FSTL5: variants seen among roughly 807,000 people sequenced by gnomAD.
FSTL5 encodes the protein follistatin like 5, also known as follistatin-related protein 5.
Under a neutral mutation model 89.1 loss-of-function variants are expected in FSTL5, and 62 were observed. That is an observed-to-expected ratio of 0.70 (90% CI 0.57 to 0.86). FSTL5 has a LOEUF of 0.86. Among genes scored for constraint, FSTL5 ranks in the 40% least tolerant of loss-of-function variants. FSTL5 has a pLI of 0.00. For synonymous variants in FSTL5, 383 were observed against 346.2 expected, an observed-to-expected ratio of 1.11 and a Z score of -1.18; for missense variants, 1,057 against 1,001.6, an observed-to-expected ratio of 1.06 and a Z score of -0.75.
chr4:161,980,875 CA>C (rs532733990), intron 3 of FSTL5, among the ~76,000 whole-genome samples: 347 of 142,554 alleles, frequency 2.4e-3, no homozygotes, highest in Admixed American at 6.4e-3. Flanking sequence ...CTTCCGGGTT[CA>C]AGCAATTTTC....
At chr4:161,493,967 G>A (rs1199695005) in intron 12 of FSTL5, among the ~76,000 whole-genome samples, 1 of 152,044 alleles carries the variant, frequency 6.6e-6, no homozygotes, top group East Asian at 1.9e-4. Context: ...ACATATTAAA[G>A]CTTAAGAGAA....
chr4:161,936,335 C>T lies in FSTL5; in HGVS notation c.161-15683G>A, dbSNP rs1409685285. On this transcript the variant is annotated intron_variant, in intron 3 of 15. Transcript: ENST00000306100. ...TACATATGTTTTCCTCTTAAGTGAA[C>T]TGCTAATTTACTATGGTATATTGAA... Among the ~76,000 whole-genome samples the T allele has an allele frequency of 2.0e-5, 3 of 152,250 alleles. No homozygotes were observed. In the East Asian group the frequency reaches 5.8e-4, roughly 29 times the overall value.
intron 2 of FSTL5, among the ~76,000 whole-genome samples, chr4:162,082,038 T>C (rs979162041): frequency 2.0e-5 from 3 of 151,692 alleles, no homozygotes; most frequent in Non-Finnish European, 3.0e-5. Flanking sequence ...AATATGAAAA[T>C]GTTGGCTTCT....
At chr4:162,015,757 T>C (rs1736899266) in intron 3 of FSTL5, among the ~76,000 whole-genome samples, 5 of 152,192 alleles carry the variant, frequency 3.3e-5, no homozygotes, top group Non-Finnish European at 7.3e-5. Flanking sequence ...TCTCCTCCTT[T>C]CTACTTTTTT....
At chr4:161,821,097 G>T (rs1184048033) in intron 4 of FSTL5, among the ~76,000 whole-genome samples, 1 of 152,242 alleles carries the variant, frequency 6.6e-6, no homozygotes, top group South Asian at 2.1e-4. Context: ...GAGTGCAGTG[G>T]TGCAATCATG....
chr4:161,416,370 C>T (rs1459319581), intron 15 of FSTL5, among the ~76,000 whole-genome samples: 1 of 152,006 alleles, frequency 6.6e-6, no homozygotes. Context: ...ATATCTTTCA[C>T]AAGCTTTTTC....
intron 10 of FSTL5, among the ~76,000 whole-genome samples, chr4:161,533,707 C>T (rs1057234985): frequency 2.0e-5 from 3 of 152,064 alleles, no homozygotes; most frequent in Admixed American, 6.6e-5. Flanking sequence ...GGAGGGCCTT[C>T]TCTCTAACTT....
chr4:161,420,635 A>C (rs1044003075), intron 15 of FSTL5, among the ~76,000 whole-genome samples: 1 of 151,822 alleles, frequency 6.6e-6, no homozygotes, highest in African/African-American at 2.4e-5. Flanking sequence ...TCATATATTC[A>C]ATACCATATA....
intron 7 of FSTL5, among the ~76,000 whole-genome samples, chr4:161,596,453 C>G (rs1578954200): frequency 6.6e-6 from 1 of 151,826 alleles, no homozygotes; most frequent in East Asian, 1.9e-4. Context: ...ACTTTGTGAA[C>G]AAATATTATT....
intron 13 of FSTL5, among the ~76,000 whole-genome samples, chr4:161,478,207 A>T (rs1729362244): frequency 6.6e-6 from 1 of 152,152 alleles, no homozygotes; most frequent in South Asian, 2.1e-4. Flanking sequence ...TGTTAGCAGT[A>T]GAATGTATAA....
At chr4:162,035,233 A>G (rs1193022732) in intron 2 of FSTL5, 1 of 152,092 alleles carries the variant, frequency 6.6e-6, no homozygotes, top group Non-Finnish European at 1.5e-5. Flanking sequence ...TGATGAGACT[A>G]TACAGGATGA....
At chr4:161,750,849 C>A (rs935486561) in intron 6 of FSTL5, among the ~76,000 whole-genome samples, 1 of 152,134 alleles carries the variant, frequency 6.6e-6, no homozygotes, top group South Asian at 2.1e-4. Context: ...CTATGACTGA[C>A]AATATATGGT....
intron 6 of FSTL5, among the ~76,000 whole-genome samples, chr4:161,657,474 T>G (rs1202722832): frequency 6.6e-6 from 1 of 152,230 alleles, no homozygotes; most frequent in African/African-American, 2.4e-5. Flanking sequence ...ATAATTGTCC[T>G]CTGTCCCCTT....
chr4:162,143,166 A>T (rs1160591800), intron 1 of FSTL5, among the ~76,000 whole-genome samples: 7 of 141,088 alleles, frequency 5.0e-5, no homozygotes, highest in African/African-American at 1.8e-4. Flanking sequence ...CAATACCTCT[A>T]TTTTTTTTCC....
chr4:161,959,955 T>G (rs1172547222), intron 3 of FSTL5, among the ~76,000 whole-genome samples: 1 of 152,080 alleles, frequency 6.6e-6, no homozygotes, highest in East Asian at 1.9e-4. Flanking sequence ...AGCAAGTATT[T>G]CAAAGCATTT....
At chr4:161,601,474 CTG>C (rs1159922418) in intron 7 of FSTL5, among the ~76,000 whole-genome samples, 2 of 151,962 alleles carry the variant, frequency 1.3e-5, no homozygotes, top group African/African-American at 2.4e-5. Context: ...GGTAGGAACA[CTG>C]AGAAAATTCT....
At chr4:161,992,860 AAATATATATATAT>A (rs1315141262) in intron 3 of FSTL5, among the ~76,000 whole-genome samples, 416 of 10,636 alleles carry the variant, frequency 0.039, 8 homozygotes, top group African/African-American at 0.07. Context: ...AAAAAAAAAA[AAATATATATATAT>A]ATATATATAT....
chr4:161,764,295 G>A (rs1369776778), intron 5 of FSTL5, among the ~76,000 whole-genome samples: 1 of 152,154 alleles, frequency 6.6e-6, no homozygotes, highest in Non-Finnish European at 1.5e-5. Flanking sequence ...TTTCACTCTT[G>A]TTGTCCAGGC....
intron 2 of FSTL5, among the ~76,000 whole-genome samples, chr4:162,070,920 G>A (rs1729593712): frequency 6.6e-6 from 1 of 151,234 alleles, no homozygotes; most frequent in Non-Finnish European, 1.5e-5. Flanking sequence ...TTTACATCTA[G>A]AAGAAAAAGG....
Sources: allele counts gnomAD v4.1 joint callset (sites outside exome capture counted in the v4.1 genomes callset), GRCh38; gene constraint gnomAD v4.1.1; transcripts MANE v1.5; gene names NCBI Gene and HGNC (gene_info 2026-07-23, HGNC 2026-07-21).